The following CLSTN2 variants were observed in gnomAD, a reference collection of about 807,000 sequenced individuals.
CLSTN2 encodes the protein calsyntenin 2.
Under a neutral mutation model 101.2 loss-of-function variants are expected in CLSTN2, and 48 were observed. The ratio of observed to expected loss-of-function variants is 0.47; its 90% CI spans 0.38 to 0.60. The LOEUF (loss-of-function observed/expected upper bound fraction) is 0.60, where lower values mean the gene tolerates loss of function less well. Among genes scored for constraint, CLSTN2 ranks in the 20% least tolerant of loss-of-function variants. The probability of loss-of-function intolerance (pLI) is 0.00; values close to 1 mark genes in which losing one functional copy is unlikely to be tolerated. For synonymous variants in CLSTN2, 481 were observed against 463.6 expected (o/e 1.04, Z -0.48); for missense variants, 1,160 against 1,238.2 (o/e 0.94, Z 0.95).
At chr3:140,500,451 T>G (rs1934555122) in intron 8 of CLSTN2, among the ~76,000 whole-genome samples, 1 of 152,202 alleles carries the variant, frequency 6.6e-6, no homozygotes, top group Non-Finnish European at 1.5e-5. Context: ...TCAAGCAGGA[T>G]TCTACAGTCA....
At chr3:140,073,359 C>T (rs753381557) in intron 1 of CLSTN2, among the ~76,000 whole-genome samples, 1 of 152,170 alleles carries the variant, frequency 6.6e-6, no homozygotes, top group Non-Finnish European at 1.5e-5. Flanking sequence ...TGTGTGGATA[C>T]CCATTGAAAA....
At chr3:140,122,714 C>T (rs901648641) in intron 1 of CLSTN2, among the ~76,000 whole-genome samples, 2 of 152,160 alleles carry the variant, frequency 1.3e-5, no homozygotes, top group Non-Finnish European at 1.5e-5. Flanking sequence ...AAGTGATGGG[C>T]CTGCCTCCTG....
At chr3:140,393,770 C>T (rs370046320) in intron 2 of CLSTN2, among the ~76,000 whole-genome samples, 2 of 152,282 alleles carry the variant, frequency 1.3e-5, no homozygotes, top group East Asian at 3.9e-4. Context: ...AGATTCTCTA[C>T]TCCTGCTTGA....
intron 2 of CLSTN2, among the ~76,000 whole-genome samples, chr3:140,178,002 T>C (rs755415456): frequency 2.0e-5 from 3 of 151,866 alleles, no homozygotes; most frequent in Non-Finnish European, 2.9e-5. Context: ...CATCTGAACA[T>C]ATGACCCCTC....
At chr3:140,217,787 G>T (rs2010938671) in intron 2 of CLSTN2, among the ~76,000 whole-genome samples, 1 of 152,168 alleles carries the variant, frequency 6.6e-6, no homozygotes, top group Admixed American at 6.5e-5. Context: ...ACTATTGTTG[G>T]GCAAGAAAAT....
chr3:140,535,113 C>T (rs1276646566), intron 9 of CLSTN2, among the ~76,000 whole-genome samples: 12 of 152,204 alleles, frequency 7.9e-5, no homozygotes, highest in Admixed American at 7.8e-4. Flanking sequence ...TCCCCACCAA[C>T]ACACACACAT....
chr3:140,127,714 G>A (rs145739474), intron 1 of CLSTN2, among the ~76,000 whole-genome samples: 53 of 152,250 alleles, frequency 3.5e-4, no homozygotes, highest in African/African-American at 1.2e-3. Context: ...GGCTTCAGGA[G>A]TATAGGCTGG....
intron 2 of CLSTN2, among the ~76,000 whole-genome samples, chr3:140,241,653 T>C (rs2086468030): frequency 6.6e-6 from 1 of 151,878 alleles, no homozygotes; most frequent in South Asian, 2.1e-4. Context: ...ATACCAAGGA[T>C]TGTGCTGGAG....
chr3:139,960,702 GT>G (rs1314825490), intron 1 of CLSTN2, among the ~76,000 whole-genome samples: 1 of 152,180 alleles, frequency 6.6e-6, no homozygotes. Context: ...GTTCAACCAT[GT>G]TAGAATATTT....
At chr3:140,459,888 G>A in intron 7 of CLSTN2, 119 bp downstream of exon 7, 1 of 1,156,032 alleles carries the variant, frequency 8.7e-7, no homozygotes, top group Non-Finnish European at 1.3e-6. Context: ...AGCCTGAGAG[G>A]AACCCTGCCA....
intron 2 of CLSTN2, among the ~76,000 whole-genome samples, chr3:140,285,915 G>A (rs2086891631): frequency 6.6e-6 from 1 of 152,192 alleles, no homozygotes; most frequent in Admixed American, 6.5e-5. Flanking sequence ...GAGGGCAAGA[G>A]TCATCCAATA....
intron 1 of CLSTN2, among the ~76,000 whole-genome samples, chr3:140,165,121 A>G (rs1188514133): frequency 1.3e-5 from 2 of 152,158 alleles, no homozygotes; most frequent in African/African-American, 4.8e-5. Flanking sequence ...TCTTCTGTGG[A>G]TATTTTTCAT....
At chr3:140,169,748 C>G (rs954525150) in intron 1 of CLSTN2, among the ~76,000 whole-genome samples, 6 of 151,986 alleles carry the variant, frequency 3.9e-5, no homozygotes, top group African/African-American at 1.5e-4. Flanking sequence ...ATTTTGGATA[C>G]TCCATTAATA....
chr3:140,485,305 G>A (rs551284359), intron 8 of CLSTN2, among the ~76,000 whole-genome samples: 6 of 152,332 alleles, frequency 3.9e-5, no homozygotes, highest in Non-Finnish European at 5.9e-5. Flanking sequence ...CTGCCTGATT[G>A]TTCCTCTGGA....
intron 1 of CLSTN2, among the ~76,000 whole-genome samples, chr3:140,003,274 AAGTT>A (rs2006886541): frequency 6.6e-6 from 1 of 152,098 alleles, no homozygotes; most frequent in African/African-American, 2.4e-5. Context: ...TTTACTTCTT[AAGTT>A]AATTCCTAGG....
rs534224935 is a variant in CLSTN2 at position 140,108,352 on chromosome 3, C to T, written c.110-67599C>T. On this transcript the variant is annotated intron_variant, in intron 1 of 16. Coordinates refer to ENST00000458420, the MANE Select transcript of CLSTN2 (RefSeq NM_022131.3). ...TACTTAGAAGTCAAAGTCTCCATTACACTTGTCCAAGTCATAAGAAGAAAG... is the reference window on the plus strand; with the variant it reads ...TACTTAGAAGTCAAAGTCTCCATTATACTTGTCCAAGTCATAAGAAGAAAG... 1.1e-3 allele frequency among the ~76,000 whole-genome samples: 162 copies of T among 152,290 alleles called. 2 individuals carry two copies. In the South Asian group the frequency reaches 0.013, roughly 12 times the overall value.
intron 8 of CLSTN2, among the ~76,000 whole-genome samples, chr3:140,511,154 T>C (rs962753139): frequency 2.0e-5 from 3 of 152,198 alleles, no homozygotes; most frequent in Admixed American, 6.5e-5. Context: ...CTAAGGATAA[T>C]TAATGGCTTC....
At chr3:140,297,943 C>T (rs931298318) in intron 2 of CLSTN2, among the ~76,000 whole-genome samples, 1 of 152,162 alleles carries the variant, frequency 6.6e-6, no homozygotes, top group Non-Finnish European at 1.5e-5. Flanking sequence ...TCTGATGTAA[C>T]CCCAACATAA....
At chr3:140,089,580 TTTTA>T (rs71627875) in intron 1 of CLSTN2, among the ~76,000 whole-genome samples, 16,178 of 145,866 alleles carry the variant, frequency 0.11, 1,090 homozygotes, top group East Asian at 0.23. Flanking sequence ...TTTCAGCTGG[TTTTA>T]TTTATTTATT....
Sources: gnomAD v4.1 joint callset for allele counts (sites outside exome capture counted in the v4.1 genomes callset) on GRCh38, gnomAD v4.1.1 for gene constraint, MANE v1.5 for transcripts, NCBI Gene and HGNC (gene_info 2026-07-23, HGNC 2026-07-21) for gene names.